The following HS2ST1 variants were observed in gnomAD, a reference collection of about 807,000 sequenced individuals.
HS2ST1 encodes 2-O-sulfotransferase.
HS2ST1 carries 18 observed loss-of-function variants against 42.9 expected under a neutral mutation model. The observed-to-expected ratio is 0.42, with a 90% CI of 0.29 to 0.62. The LOEUF is 0.62. Ranked by LOEUF, HS2ST1 falls within the 20% of genes least tolerant of loss-of-function variation. HS2ST1 has a pLI of 0.21. For synonymous variants in HS2ST1, 146 were observed against 152.9 expected, an observed-to-expected ratio of 0.95 and a Z score of 0.33; for missense variants, 334 against 433.8, an observed-to-expected ratio of 0.77 and a Z score of 2.04.
chr1:87,068,935 C>G lies in HS2ST1; in HGVS notation c.125-3999C>G, dbSNP rs1216017880. Among the ~76,000 whole-genome samples the G allele has an allele frequency of 2.6e-5, 4 of 152,090 alleles. No homozygotes were observed. In the East Asian group the frequency reaches 7.7e-4, roughly 29 times the overall value. ...CTCAAACTCCTCGGCTTAAGCAATC[C>G]TCCTCCCTCAACTCCTGAGTAGCAG... On this transcript the variant is annotated intron_variant, in intron 1 of 6. Coordinates refer to ENST00000370550, the MANE Select transcript of HS2ST1 (RefSeq NM_012262.4).
intron 1 of HS2ST1, among the ~76,000 whole-genome samples, chr1:86,940,050 GT>G (rs915574295): frequency 1.3e-5 from 2 of 151,842 alleles, no homozygotes; most frequent in African/African-American, 4.8e-5. Context: ...TGCCTTCTAG[GT>G]TTTTTTTCTC....
intron 1 of HS2ST1, among the ~76,000 whole-genome samples, chr1:87,003,230 T>TAA (rs1478911957): frequency 6.6e-6 from 1 of 152,224 alleles, no homozygotes; most frequent in Non-Finnish European, 1.5e-5. Context: ...AAAAGCTCTT[T>TAA]AAGATGCATT....
intron 1 of HS2ST1, among the ~76,000 whole-genome samples, chr1:86,999,248 G>A (rs570278759): frequency 1.1e-4 from 17 of 151,950 alleles, no homozygotes; most frequent in Non-Finnish European, 1.8e-4. Context: ...GTGCGATCTC[G>A]GCTCACCGCG....
chr1:87,061,043 T>C (rs1479478722), intron 1 of HS2ST1, among the ~76,000 whole-genome samples: 1 of 152,168 alleles, frequency 6.6e-6, no homozygotes, highest in Non-Finnish European at 1.5e-5. Flanking sequence ...GATTAACATA[T>C]ATTTAATGTG....
intron 1 of HS2ST1, among the ~76,000 whole-genome samples, chr1:86,994,606 T>C (rs992053874): frequency 4.6e-5 from 7 of 152,146 alleles, no homozygotes; most frequent in African/African-American, 1.7e-4. Flanking sequence ...TAATAGTGAT[T>C]GTTTCAGGAT....
intron 4 of HS2ST1, among the ~76,000 whole-genome samples, chr1:87,096,584 T>G (rs1652072370): frequency 6.6e-6 from 1 of 152,214 alleles, no homozygotes. Context: ...CTCAACATTA[T>G]TGTTGTTTTG....
At chr1:87,073,289 A>G in intron 2 of HS2ST1, 117 bp downstream of exon 2, 2 of 737,574 alleles carry the variant, frequency 2.7e-6, no homozygotes, top group East Asian at 2.5e-5. Context: ...GTGGATCATA[A>G]GCCTTTTAGG....
At chr1:86,988,222 T>G (rs1165526020) in intron 1 of HS2ST1, among the ~76,000 whole-genome samples, 3 of 152,212 alleles carry the variant, frequency 2.0e-5, no homozygotes, top group African/African-American at 7.2e-5. Flanking sequence ...GGAAGACTTG[T>G]TATGTAAATT....
At chr1:87,045,886 C>CT in intron 1 of HS2ST1, 1 of 701,052 alleles carries the variant, frequency 1.4e-6, no homozygotes, top group East Asian at 3.1e-5. Context: ...CTGTGAGCTC[C>CT]TTAAGAACCT....
intron 1 of HS2ST1, among the ~76,000 whole-genome samples, chr1:86,991,608 T>C (rs542568038): frequency 6.6e-6 from 1 of 152,362 alleles, no homozygotes; most frequent in East Asian, 1.9e-4. Flanking sequence ...CAGGCTATGC[T>C]TAATTTAACA....
chr1:87,091,289 G>C (rs549765462), intron 3 of HS2ST1, among the ~76,000 whole-genome samples: 1 of 151,974 alleles, frequency 6.6e-6, no homozygotes, highest in Non-Finnish European at 1.5e-5. Flanking sequence ...AAGAGAAATA[G>C]AATAAGTATT....
Position 86,996,357 on chromosome 1 carries a change from G to A in HS2ST1, c.125-76577G>A, listed in dbSNP as rs532794140. ...CTCGGGAGGCTGAGGCAGGAGAATC[G>A]CTTGAACCCGGGAGGCAGAGGTTGT... On this transcript the variant is annotated intron_variant, in intron 1 of 6. Coordinates refer to ENST00000370550, the MANE Select transcript of HS2ST1 (RefSeq NM_012262.4). Among the ~76,000 whole-genome samples the A allele has an allele frequency of 3.3e-5, 5 of 150,676 alleles. No homozygotes were observed. In the East Asian group the frequency reaches 5.9e-4, roughly 18 times the overall value.
intron 4 of HS2ST1, among the ~76,000 whole-genome samples, chr1:87,097,280 G>T (rs2100653656): frequency 6.6e-6 from 1 of 152,346 alleles, no homozygotes; most frequent in South Asian, 2.1e-4. Flanking sequence ...AAAAGCATAT[G>T]AAACAAGTTA....
At chr1:86,968,122 T>C (rs892809529) in intron 1 of HS2ST1, among the ~76,000 whole-genome samples, 1 of 152,252 alleles carries the variant, frequency 6.6e-6, no homozygotes, top group African/African-American at 2.4e-5. Flanking sequence ...TGCCCACTTA[T>C]TGATGGGATT....
intron 5 of HS2ST1, among the ~76,000 whole-genome samples, chr1:87,100,096 C>G (rs977385152): frequency 1.3e-5 from 2 of 152,182 alleles, no homozygotes; most frequent in African/African-American, 4.8e-5. Context: ...GTGAGCCAAC[C>G]ATTCTGGGGT....
chr1:87,037,569 A>G (rs1650411547), intron 1 of HS2ST1, among the ~76,000 whole-genome samples: 1 of 151,710 alleles, frequency 6.6e-6, no homozygotes, highest in Non-Finnish European at 1.5e-5. Context: ...ATATGTCTTT[A>G]AAAATAGAAT....
intron 1 of HS2ST1, among the ~76,000 whole-genome samples, chr1:86,949,500 G>A (rs144617198): frequency 1.4e-3 from 214 of 152,232 alleles, no homozygotes; most frequent in African/African-American, 5.1e-3. Flanking sequence ...AGCCCAAAAG[G>A]CAGAGGTTGC....
chr1:86,979,800 C>G (rs1648526035), intron 1 of HS2ST1, among the ~76,000 whole-genome samples: 1 of 152,202 alleles, frequency 6.6e-6, no homozygotes, highest in Non-Finnish European at 1.5e-5. Context: ...TCCATGGCAG[C>G]TGCATAGTTT....
intron 5 of HS2ST1, among the ~76,000 whole-genome samples, chr1:87,101,150 T>TTTTTTG (rs542734240): frequency 4.6e-5 from 3 of 65,234 alleles, no homozygotes; most frequent in African/African-American, 1.9e-4. Flanking sequence ...TGTGTGTGTG[T>TTTTTTG]TTTTTGTTTT....
Sources: allele counts gnomAD v4.1 joint callset (sites outside exome capture counted in the v4.1 genomes callset), GRCh38; gene constraint gnomAD v4.1.1; transcripts MANE v1.5; gene names NCBI Gene and HGNC (gene_info 2026-07-23, HGNC 2026-07-21).